The following OTOGL variants were observed in gnomAD, a reference collection of about 807,000 sequenced individuals.
OTOGL encodes otogelin-like protein.
In OTOGL, 285 loss-of-function variants were observed where a neutral mutation model predicts 318.5. That is an observed-to-expected ratio of 0.89 (90% CI 0.81 to 0.99). OTOGL has a LOEUF of 0.99. Among genes scored for constraint, OTOGL ranks in the 50% least tolerant of loss-of-function variants. The pLI, the probability that OTOGL is intolerant of heterozygous loss-of-function variation, is 0.00. For missense variants in OTOGL, 2,899 were observed against 2,845.6 expected (o/e 1.02, Z -0.43); for synonymous variants, 987 against 936.5 (o/e 1.05, Z -0.99).
At chr12:80,251,181 T>A (rs574861672) in intron 11 of OTOGL, among the ~76,000 whole-genome samples, 49 of 152,312 alleles carry the variant, frequency 3.2e-4, no homozygotes, top group Non-Finnish European at 1.5e-5. Context: ...TGAGGAACCA[T>A]TAAAATACTT....
At chr12:80,107,341 T>A (rs1377585589) in intron 1 of OTOGL, among the ~76,000 whole-genome samples, 1 of 152,126 alleles carries the variant, frequency 6.6e-6, no homozygotes, top group Non-Finnish European at 1.5e-5. Context: ...ACATGACTAA[T>A]CATTAGAGAA....
At chr12:80,300,308 A>G (rs1472720491) in intron 27 of OTOGL, among the ~76,000 whole-genome samples, 2 of 151,838 alleles carry the variant, frequency 1.3e-5, no homozygotes, top group East Asian at 1.9e-4. Context: ...TCCTTGCCTC[A>G]TAACTCCAAC....
chr12:80,269,596 G>A lies in OTOGL; in HGVS notation c.2466-506G>A, dbSNP rs950367771. ...GTAGAATGCTGCTTTACTTCTTCAT[G>A]GTTTATGTGTTTCCACTGAGTGTTA... On this transcript the variant is annotated intron_variant, in intron 22 of 58. Coordinates refer to ENST00000547103, the MANE Select transcript of OTOGL (RefSeq NM_001378609.3). Among the ~76,000 whole-genome samples the A allele has an allele frequency of 4.6e-5, 7 of 152,068 alleles. No individual in the cohort carries two copies. In the South Asian group the frequency reaches 1.5e-3, roughly 32 times the overall value.
intron 4 of OTOGL, 139 bp from the exon 5 acceptor site, chr12:80,217,459 C>A: frequency 1.5e-6 from 1 of 647,062 alleles, no homozygotes; most frequent in South Asian, 2.0e-5. Flanking sequence ...AGATGATAAG[C>A]CTCAATAACC....
At chr12:80,184,503 A>G (rs530329497) in intron 1 of OTOGL, among the ~76,000 whole-genome samples, 27 of 152,204 alleles carry the variant, frequency 1.8e-4, no homozygotes, top group Non-Finnish European at 1.8e-4. Context: ...TGACAATTTA[A>G]TAGACAAAAA....
chr12:80,173,974 T>C lies in OTOGL; in HGVS notation c.-19-35439T>C, dbSNP rs191947997. ...CTGGAAGATTAGTAATTGTTCAATT[T>C]AAGAAAACATTGAGAAAGCTCATCC... On this transcript the variant is annotated intron_variant, in intron 1 of 58. Transcript: ENST00000547103. Among the ~76,000 whole-genome samples, 7 of 152,298 alleles carry C rather than the reference T, an allele frequency of 4.6e-5. No individual in the cohort carries two copies. The East Asian group carries it at 1.4e-3, about 29-fold the overall frequency.
intron 39 of OTOGL, 106 bp from the exon 40 acceptor site, chr12:80,336,307 T>A: frequency 2.2e-6 from 3 of 1,353,318 alleles, no homozygotes; most frequent in Non-Finnish European, 2.9e-6. Flanking sequence ...GAGTTGCTTC[T>A]TGTCAGACAT....
intron 1 of OTOGL, among the ~76,000 whole-genome samples, chr12:80,157,880 T>C (rs1434007692): frequency 6.6e-6 from 1 of 152,186 alleles, no homozygotes; most frequent in Admixed American, 6.5e-5. Context: ...GTCACTCGTG[T>C]GACTAATTCC....
chr12:80,336,150 C>G lies in OTOGL; in HGVS notation c.4600+10C>G. The G allele has an allele frequency of 6.4e-7, 1 of 1,559,950 alleles. No homozygotes were observed. ...GAGTGGGAATGTCCTTGTAAGTTTG[C>G]ATTTCTTAAGCGGTGATCTTTTTTT... On this transcript the variant is annotated intron_variant, in intron 39 of 58. Transcript: ENST00000547103.
At chr12:80,121,770 A>G (rs564606315) in intron 1 of OTOGL, among the ~76,000 whole-genome samples, 1 of 152,286 alleles carries the variant, frequency 6.6e-6, no homozygotes, top group East Asian at 1.9e-4. Context: ...TTAAACCCAT[A>G]GTGGGAGGTT....
At chr12:80,149,055 G>A (rs543181473) in intron 1 of OTOGL, among the ~76,000 whole-genome samples, 103 of 152,180 alleles carry the variant, frequency 6.8e-4, no homozygotes, top group African/African-American at 1.7e-3. Context: ...CTCTCAGCTC[G>A]TCAAAGTCGT....
chr12:80,125,578 T>C (rs1870774006), intron 1 of OTOGL, among the ~76,000 whole-genome samples: 1 of 152,228 alleles, frequency 6.6e-6, no homozygotes, highest in Non-Finnish European at 1.5e-5. Context: ...GGATTCTCTC[T>C]TTTTCTATTG....
At chr12:80,359,217 G>A (rs1890099089) in intron 52 of OTOGL, among the ~76,000 whole-genome samples, 2 of 152,178 alleles carry the variant, frequency 1.3e-5, no homozygotes, top group Admixed American at 1.3e-4. Context: ...TGTTGCTAAT[G>A]ATTCTTTAAG....
At chr12:80,293,618 G>A (rs554874731) in intron 26 of OTOGL, among the ~76,000 whole-genome samples, 57 of 149,250 alleles carry the variant, frequency 3.8e-4, no homozygotes, top group African/African-American at 1.1e-3. Context: ...CTACTTTTTC[G>A]TCAGTTCAGT....
chr12:80,249,835 C>A (rs958144623), intron 11 of OTOGL, among the ~76,000 whole-genome samples: 1 of 152,070 alleles, frequency 6.6e-6, no homozygotes, highest in Non-Finnish European at 1.5e-5. Flanking sequence ...GGCGTAGGAC[C>A]CTCCGAGGCA....
chr12:80,351,404 C>G lies in OTOGL; in HGVS notation c.5266-891C>G, dbSNP rs147089145. Among the ~76,000 whole-genome samples, 1,512 of 152,220 alleles carry G rather than the reference C, an allele frequency of 9.9e-3. 19 individuals carry two copies. Among genetic ancestry groups the G allele is most frequent in the African/African-American group, 0.034 (1,405 of 41,540 alleles). On this transcript the variant is annotated intron_variant, in intron 44 of 58. Coordinates refer to ENST00000547103, the MANE Select transcript of OTOGL (RefSeq NM_001378609.3). ...GATCTCGGCTCACTGCAAGCTCTGC[C>G]TCCCGGGTTCAAGAGATTCTCCTGC... is the stretch of plus-strand genomic sequence containing the variant.
intron 1 of OTOGL, among the ~76,000 whole-genome samples, chr12:80,176,385 A>C (rs890412225): frequency 6.6e-6 from 1 of 152,168 alleles, no homozygotes; most frequent in Admixed American, 6.5e-5. Flanking sequence ...TCTCTTCGTA[A>C]TCTCTCTTTC....
chr12:80,366,444 T>C (rs919396600), intron 52 of OTOGL, 130 bp from the exon 53 acceptor site: 1 of 448,326 alleles, frequency 2.2e-6, no homozygotes, highest in Non-Finnish European at 4.3e-6. Flanking sequence ...AGGGACTTAT[T>C]AGATGTTATC....
chr12:80,248,453 G>A (rs909922090), intron 11 of OTOGL, among the ~76,000 whole-genome samples: 1 of 143,748 alleles, frequency 7.0e-6, no homozygotes, highest in East Asian at 2.0e-4. Context: ...TGAAATTCTG[G>A]GTTGCAAATT....
Sources: allele counts gnomAD v4.1 joint callset (sites outside exome capture counted in the v4.1 genomes callset), GRCh38; gene constraint gnomAD v4.1.1; transcripts MANE v1.5; gene names NCBI Gene and HGNC (gene_info 2026-07-23, HGNC 2026-07-21).